Variants in RBFOX1 observed in about 807,000 individuals in gnomAD.
The protein encoded by RBFOX1 is RNA binding protein fox-1 homolog 1.
RBFOX1 carries 8 observed loss-of-function variants against 57.7 expected under a neutral mutation model. That is an observed-to-expected ratio of 0.14 (90% CI 0.08 to 0.25). The LOEUF is 0.25. RBFOX1 is among the 10% of genes least tolerant of loss of function. The pLI is 1.00. For missense variants in RBFOX1, 611 were observed against 548.5 expected (o/e 1.11, Z -1.14); for synonymous variants, 326 against 222.4 (o/e 1.47, Z -4.15).
intron 1 of RBFOX1, among the ~76,000 whole-genome samples, chr16:6,157,322 A>G (rs1567580265): frequency 6.6e-6 from 1 of 152,232 alleles, no homozygotes; most frequent in East Asian, 1.9e-4. Flanking sequence ...CTCTGGGCAA[A>G]TGGTTGCCAG....
chr16:5,336,389 A>G (rs1290121189), intron 1 of RBFOX1, among the ~76,000 whole-genome samples: 1 of 152,112 alleles, frequency 6.6e-6, no homozygotes, highest in African/African-American at 2.4e-5. Flanking sequence ...CTGAATCCCC[A>G]CTATCCTCAT....
At chr16:6,911,057 C>T (rs1226870412) in intron 3 of RBFOX1, among the ~76,000 whole-genome samples, 3 of 151,782 alleles carry the variant, frequency 2.0e-5, no homozygotes, top group South Asian at 2.1e-4. Context: ...AAAAATTAGC[C>T]GAGCGTGGTG....
chr16:6,696,302 C>A (rs4786913), intron 3 of RBFOX1, among the ~76,000 whole-genome samples: 1 of 151,944 alleles, frequency 6.6e-6, no homozygotes, highest in East Asian at 2.0e-4. Flanking sequence ...AGTGAAATAT[C>A]TCTGACTTTT....
intron 4 of RBFOX1, among the ~76,000 whole-genome samples, chr16:7,209,608 C>T (rs897282416): frequency 5.9e-5 from 9 of 152,166 alleles, no homozygotes; most frequent in African/African-American, 1.4e-4. Context: ...GCTCCTCTTA[C>T]CCATTGTAAC....
intron 6 of RBFOX1, among the ~76,000 whole-genome samples, 169 bp from the exon 7 acceptor site, chr16:7,587,078 T>C (rs1290658409): frequency 3.3e-5 from 5 of 152,178 alleles, no homozygotes; most frequent in Non-Finnish European, 7.4e-5. Context: ...GGAGAAAATA[T>C]GGGTGGTTTT....
rs541539657 is a variant in RBFOX1, at chr16:6,902,795, C to T, written c.-15-149262C>T. ...CTTCAACTCATCATGTCATCAGAAC[C>T]AAATAAAGCTTTAACATTATCCATG... On this transcript the variant is annotated intron_variant, in intron 3 of 15. Transcript: ENST00000550418. Among the ~76,000 whole-genome samples the T allele has an allele frequency of 7.2e-5, 11 of 152,220 alleles. No individual in the cohort carries two copies. The South Asian group carries it at 1.5e-3, about 20-fold the overall frequency.
At chr16:7,247,717 C>T (rs536745785) in intron 4 of RBFOX1, among the ~76,000 whole-genome samples, 13 of 152,318 alleles carry the variant, frequency 8.5e-5, no homozygotes, top group African/African-American at 3.1e-4. Flanking sequence ...AACATAGCCT[C>T]TTTAAATCCA....
chr16:5,450,755 T>C lies in RBFOX1; in HGVS notation c.220-16461T>C, dbSNP rs547289762. Among the ~76,000 whole-genome samples, 8 of 152,006 alleles carry C rather than the reference T, an allele frequency of 5.3e-5. No individual in the cohort carries two copies. In the East Asian group the frequency reaches 1.5e-3, roughly 29 times the overall value. The stretch of plus-strand genomic sequence containing the variant: ...CTGGGAGTGGGACTTTGGGCAGGAG[T>C]TGCTGCAGGCCCCCTTGTGACTTTG... On this transcript the variant is annotated intron_variant, in intron 1 of 2. Coordinates refer to the RBFOX1 transcript ENST00000585867.
At chr16:5,925,066 T>C (rs993322519) in intron 4 of RBFOX1, among the ~76,000 whole-genome samples, 1 of 152,186 alleles carries the variant, frequency 6.6e-6, no homozygotes, top group Non-Finnish European at 1.5e-5. Context: ...TGGTCATCCA[T>C]ACTTTCCCAC....
chr16:7,283,327 A>G (rs926690754), intron 4 of RBFOX1, among the ~76,000 whole-genome samples: 5 of 151,788 alleles, frequency 3.3e-5, no homozygotes, highest in Admixed American at 6.6e-5. Flanking sequence ...TGCAGTCTCT[A>G]TACTCCAATC....
chr16:7,082,791 G>A (rs1027805215), intron 4 of RBFOX1, among the ~76,000 whole-genome samples: 1 of 152,098 alleles, frequency 6.6e-6, no homozygotes, highest in African/African-American at 2.4e-5. Context: ...AAACAGAGAG[G>A]CCACCAGTAG....
intron 4 of RBFOX1, among the ~76,000 whole-genome samples, chr16:6,009,209 C>A (rs528249052): frequency 6.6e-6 from 1 of 151,828 alleles, no homozygotes; most frequent in South Asian, 2.1e-4. Flanking sequence ...ACTGCCACTT[C>A]GTGGTCTCTA....
In RBFOX1 at chr16:6,313,594, T is replaced by C. The variant is rs769526334; in HGVS notation, c.-126-3401T>C. On this transcript the variant is annotated intron_variant, in intron 1 of 15. Transcript: ENST00000550418. ...TTGCTATTTTGTGCATCCATTTGGA[T>C]GGAGTGCATAGGTGAAGGTAGCTAA... 5.3e-4 allele frequency among the ~76,000 whole-genome samples: 81 copies of C among 152,324 alleles called. 1 individual carries two copies. Among genetic ancestry groups the C allele is most frequent in the Middle Eastern group, 6.8e-3 (2 of 294 alleles).
chr16:6,007,771 G>A (rs1364474631), intron 4 of RBFOX1, among the ~76,000 whole-genome samples: 1 of 152,184 alleles, frequency 6.6e-6, no homozygotes, highest in African/African-American at 2.4e-5. Context: ...TGTGTTTTGA[G>A]CTGGAGATAT....
At chr16:6,372,099 G>A (rs929773538) in intron 2 of RBFOX1, among the ~76,000 whole-genome samples, 8 of 152,136 alleles carry the variant, frequency 5.3e-5, no homozygotes, top group African/African-American at 1.4e-4. Flanking sequence ...GGGTGGAGTG[G>A]AGATTCGATG....
chr16:7,166,890 C>A (rs1393623266), intron 4 of RBFOX1, among the ~76,000 whole-genome samples: 1 of 150,320 alleles, frequency 6.7e-6, no homozygotes, highest in Admixed American at 6.6e-5. Flanking sequence ...GACACAGCCA[C>A]CAGTAGCCTT....
intron 3 of RBFOX1, among the ~76,000 whole-genome samples, chr16:6,984,285 A>G (rs1309966796): frequency 6.6e-6 from 1 of 152,054 alleles, no homozygotes; most frequent in East Asian, 1.9e-4. Flanking sequence ...CTCCTGTACT[A>G]CCTGTGTGAC....
At chr16:5,858,761 G>T (rs1010329041) in intron 3 of RBFOX1, among the ~76,000 whole-genome samples, 11 of 152,214 alleles carry the variant, frequency 7.2e-5, no homozygotes, top group South Asian at 2.1e-4. Flanking sequence ...GATGGGAAGG[G>T]AGGTAGGGAG....
chr16:6,993,985 G>T (rs920190133), intron 3 of RBFOX1, among the ~76,000 whole-genome samples: 1 of 152,184 alleles, frequency 6.6e-6, no homozygotes, highest in African/African-American at 2.4e-5. Context: ...GGGTGGAGGT[G>T]GCTTTAGAAG....
Sources: gnomAD v4.1 joint callset for allele counts (sites outside exome capture counted in the v4.1 genomes callset) on GRCh38, gnomAD v4.1.1 for gene constraint, MANE v1.5 for transcripts, NCBI Gene and HGNC (gene_info 2026-07-23, HGNC 2026-07-21) for gene names.